The following NRXN2 variants were observed in gnomAD, a reference collection of about 807,000 sequenced individuals.
NRXN2 encodes the protein neurexin 2, also known as neurexin-2-beta.
NRXN2 carries 29 observed loss-of-function variants against 128.8 expected under a neutral mutation model. The ratio of observed to expected loss-of-function variants is 0.23; its 90% confidence interval spans 0.17 to 0.31. NRXN2 has a LOEUF of 0.31. Among genes scored for constraint, NRXN2 ranks in the 10% least tolerant of loss-of-function variants. The pLI is 1.00. For synonymous variants in NRXN2, 1,098 were observed against 1,075.2 expected (o/e 1.02, Z -0.41); for missense variants, 1,881 against 2,452.6 (o/e 0.77, Z 4.92).
chr11:64,622,744 G>A lies in NRXN2; in HGVS notation c.4173+9C>T, dbSNP rs1226891935. 6.2e-7 allele frequency: 1 copy of A among 1,602,798 alleles called. No individual in the cohort carries two copies. Among genetic ancestry groups the A allele is most frequent in the Non-Finnish European group, 8.5e-7 (1 of 1,174,630 alleles). On this transcript the variant is annotated intron_variant, in intron 21 of 22. Coordinates refer to ENST00000265459, the MANE Select transcript of NRXN2 (RefSeq NM_015080.4). The surrounding 1 kb of genome is among the most constrained non-coding windows in gnomAD (Gnocchi z 4.3). ...CTGCCCTAATCCACCAGCCAGAGTG[G>A]GGCCTCACCTGGGTGGTGCTGTCCC...
In NRXN2 at chr11:64,716,955, C is replaced by T. The variant is rs373173576; in HGVS notation, c.-244-3012G>A. Among the ~76,000 whole-genome samples, 30 of 152,218 alleles carry T rather than the reference C, an allele frequency of 2.0e-4. 1 individual carries two copies. In the South Asian group the frequency reaches 3.1e-3, roughly 16 times the overall value. The stretch of plus-strand genomic sequence containing the variant: ...TTTCCCCTCCCTGCGCCTCTCCCAC[C>T]CAGGCCAAGGCTGCTGCCGACCCAG... On this transcript the variant is annotated intron_variant, in intron 1 of 22. Transcript: ENST00000265459.
chr11:64,679,122 A>G (rs374711726), intron 6 of NRXN2, among the ~76,000 whole-genome samples: 2 of 152,204 alleles, frequency 1.3e-5, no homozygotes, highest in Non-Finnish European at 2.9e-5. Context: ...AGAACAAGGA[A>G]CAATTAGCTT....
In NRXN2 at chr11:64,607,277, C is replaced by T. The variant is rs775416543; in HGVS notation, c.5058G>A (p.Ala1686=). Residue 1686 remains alanine, a synonymous_variant, in exon 23 of 23, where the codon GCG becomes GCA. Coordinates refer to ENST00000265459, the MANE Select transcript of NRXN2 (RefSeq NM_015080.4). ...YISNSAQSNG[A]VVKEKAPAAP... ...CAGCCGGGGCCTTCTCTTTCACCAC[C>T]GCCCCATTGCTCTGGGCCGAGTTAC... is the stretch of plus-strand genomic sequence containing the variant. The T allele has an allele frequency of 8.7e-6, 14 of 1,613,834 alleles. No homozygotes were observed. In the Middle Eastern group the frequency reaches 4.9e-4, roughly 57 times the overall value.
At chr11:64,615,941 C>A (rs1056594364) in intron 22 of NRXN2, among the ~76,000 whole-genome samples, 6 of 151,664 alleles carry the variant, frequency 4.0e-5, no homozygotes, top group Admixed American at 3.9e-4. Flanking sequence ...CATATGTATT[C>A]TTCTGTGAGT....
At chr11:64,693,450 G>A (rs1337268106) in intron 3 of NRXN2, among the ~76,000 whole-genome samples, 13 of 152,040 alleles carry the variant, frequency 8.6e-5, no homozygotes, top group Non-Finnish European at 1.8e-4. Context: ...TGTTAGCATG[G>A]GATTAAGCGG....
intron 5 of NRXN2, among the ~76,000 whole-genome samples, chr11:64,687,086 C>T (rs992074140): frequency 2.0e-5 from 3 of 152,242 alleles, no homozygotes; most frequent in African/African-American, 7.2e-5. Context: ...ACAGCTGGCC[C>T]TGCCTACCTC....
intron 21 of NRXN2, among the ~76,000 whole-genome samples, chr11:64,621,792 C>T (rs960207727): frequency 1.3e-5 from 2 of 152,122 alleles, no homozygotes; most frequent in African/African-American, 2.4e-5. Flanking sequence ...CCTGTGCTAA[C>T]GGTCAGAGCA....
chr11:64,671,787 C>T (rs1054987506), intron 7 of NRXN2, among the ~76,000 whole-genome samples: 11 of 151,998 alleles, frequency 7.2e-5, no homozygotes, highest in African/African-American at 2.7e-4. Context: ...AGGACAGAGA[C>T]ACTTATGGGT....
At chr11:64,612,147 A>C (rs1355805384) in intron 22 of NRXN2, among the ~76,000 whole-genome samples, 1 of 152,110 alleles carries the variant, frequency 6.6e-6, no homozygotes, top group East Asian at 1.9e-4. Flanking sequence ...ATCACACACC[A>C]GTTCAGGAAG....
intron 7 of NRXN2, 136 bp downstream of exon 7, chr11:64,676,857 T>C: frequency 1.4e-6 from 1 of 722,228 alleles, no homozygotes; most frequent in Non-Finnish European, 2.5e-6. Context: ...CTAAAGATTG[T>C]CCAGGACGCA....
chr11:64,608,446 A>G (rs542952074), intron 22 of NRXN2, among the ~76,000 whole-genome samples: 24 of 151,842 alleles, frequency 1.6e-4, no homozygotes, highest in Non-Finnish European at 2.8e-4. Context: ...AACAAACCTA[A>G]CAACAATATC....
rs1034328084 is a variant in NRXN2, at chr11:64,607,503, G to A, written c.4832C>T (p.Thr1611Ile). 6.3e-7 allele frequency: 1 copy of A among 1,596,106 alleles called. No individual in the cohort carries two copies. The highest frequency in any genetic ancestry group is 8.5e-7 in the Non-Finnish European group (1 of 1,173,606). ...TSAPGFPHLP[T>I]ANPTGPGERG... ...CTCCCCAGGCCCTGTGGGGTTGGCT[G>A]TGGGCAGATGGGGGAAGCCGGGGGC... Residue 1611 changes from threonine to isoleucine, a missense_variant, in exon 23 of 23, where the codon ACA becomes ATA. Thr to Ile is a moderately conservative substitution (Grantham distance 89). Coordinates refer to ENST00000265459, the MANE Select transcript of NRXN2 (RefSeq NM_015080.4).
rs1591422090 is a variant in NRXN2 at position 64,607,268 on chromosome 11, T to C, written c.5067A>G (p.Lys1689=). The C allele has an allele frequency of 2.5e-6, 4 of 1,613,834 alleles. No individual in the cohort carries two copies. The East Asian group carries it at 8.9e-5, about 36-fold the overall frequency. The part of the protein sequence containing the change: ...NSAQSNGAVV[K]EKAPAAPKTP... ...TCTTGGGGGCAGCCGGGGCCTTCTC[T>C]TTCACCACCGCCCCATTGCTCTGGG... The change falls in exon 23 of 23, where the codon AAA becomes AAG. Residue 1689 remains lysine (K), a synonymous_variant. Transcript: ENST00000265459.
chr11:64,640,471 G>T (rs2045495291), intron 17 of NRXN2, among the ~76,000 whole-genome samples: 1 of 152,068 alleles, frequency 6.6e-6, no homozygotes, highest in African/African-American at 2.4e-5. Context: ...GGCCTATCTG[G>T]GCACCTTTGG....
chr11:64,690,222 T>G (rs1338055898), intron 5 of NRXN2, among the ~76,000 whole-genome samples, 183 bp downstream of exon 5: 3 of 152,240 alleles, frequency 2.0e-5, no homozygotes, highest in African/African-American at 7.2e-5. Context: ...TTTGTGGCCC[T>G]TCACATCAGG....
intron 17 of NRXN2, among the ~76,000 whole-genome samples, chr11:64,640,411 T>G (rs1408907554): frequency 2.0e-5 from 3 of 152,166 alleles, no homozygotes; most frequent in Non-Finnish European, 4.4e-5. Context: ...CCTGACTTCC[T>G]TTATCTATCT....
chr11:64,620,377 G>C lies in NRXN2; in HGVS notation c.4174-5C>G, dbSNP rs1171354973. On this transcript the variant is annotated splice_polypyrimidine_tract_variant and splice_region_variant and intron_variant, in intron 21 of 22. Transcript: ENST00000265459. ...CACCAGCAGGTCATCTGTGTTCTGAGGGGCGAGAGAAGGGGTGGGGAAAGA... is the reference window on the plus strand; with the variant it reads ...CACCAGCAGGTCATCTGTGTTCTGACGGGCGAGAGAAGGGGTGGGGAAAGA... The C allele has an allele frequency of 6.4e-7, 1 of 1,552,036 alleles. No homozygotes were observed. The highest frequency in any genetic ancestry group is 1.2e-5 in the South Asian group (1 of 84,098).
At chr11:64,674,286 G>C (rs1262985844) in intron 7 of NRXN2, among the ~76,000 whole-genome samples, 1 of 152,126 alleles carries the variant, frequency 6.6e-6, no homozygotes, top group Admixed American at 6.5e-5. Context: ...CGCTTCCCAG[G>C]TTCAAGCAAT....
rs2135443613 is a variant in NRXN2, at chr11:64,648,188, C to T, written c.3403+31G>A. 1 of 1,613,976 alleles carries T rather than the reference C, an allele frequency of 6.2e-7. No individual in the cohort carries two copies. Among genetic ancestry groups the T allele is most frequent in the East Asian group, 2.2e-5 (1 of 44,882 alleles). ...GGCTGGGAATGGACCCTGGTCTCCC[C>T]AAACTGCCCCCAGCCCTCCCAGGCA... On this transcript the variant is annotated intron_variant, in intron 17 of 22. Coordinates refer to ENST00000265459, the MANE Select transcript of NRXN2 (RefSeq NM_015080.4). This position sits in a 1 kb window ranked among gnomAD's most constrained non-coding sequence, Gnocchi z 4.1.
Sources: gnomAD v4.1 joint callset for allele counts (sites outside exome capture counted in the v4.1 genomes callset) on GRCh38, gnomAD v4.1.1 for gene constraint, Gnocchi (gnomAD v3.1) non-coding constraint, MANE v1.5 for transcripts, NCBI Gene and HGNC (gene_info 2026-07-23, HGNC 2026-07-21) for gene names.